SOCS7: variants seen among roughly 807,000 people sequenced by gnomAD.
The protein encoded by SOCS7 is suppressor of cytokine signaling 7, also known as NAP-4.
A neutral mutation model predicts 58.9 loss-of-function variants in SOCS7; 18 were observed. That is an observed-to-expected ratio of 0.31 (90% CI 0.21 to 0.45). The LOEUF is 0.45. Among genes scored for constraint, SOCS7 ranks in the 20% least tolerant of loss-of-function variants. The probability of loss-of-function intolerance (pLI) is 1.00; values close to 1 mark genes in which losing one functional copy is unlikely to be tolerated. For synonymous variants in SOCS7, 388 were observed against 364.3 expected (o/e 1.06, Z -0.74); for missense variants, 667 against 837.3 (o/e 0.80, Z 2.51).
intron 7 of SOCS7, among the ~76,000 whole-genome samples, chr17:38,384,595 CT>C (rs1329178035): frequency 1.4e-5 from 2 of 148,108 alleles, no homozygotes; most frequent in South Asian, 2.2e-4. Flanking sequence ...TGCCCAGCTT[CT>C]TTTTTTTTTC....
At chr17:38,361,937 A>G (rs1286916521) in intron 2 of SOCS7, among the ~76,000 whole-genome samples, 162 bp downstream of exon 2, 1 of 152,184 alleles carries the variant, frequency 6.6e-6, no homozygotes, top group Non-Finnish European at 1.5e-5. Context: ...TTTTTATGGT[A>G]TGGAATGTGT....
At chr17:38,377,650 A>G in intron 6 of SOCS7, 64 bp from the exon 7 acceptor site, 1 of 1,500,320 alleles carries the variant, frequency 6.7e-7, no homozygotes, top group Non-Finnish European at 9.0e-7. Context: ...AAAATATTCA[A>G]ACCAGCCTCT....
At chr17:38,363,120 A>G (rs1372795000) in intron 2 of SOCS7, among the ~76,000 whole-genome samples, 1 of 152,094 alleles carries the variant, frequency 6.6e-6, no homozygotes, top group African/African-American at 2.4e-5. Flanking sequence ...AAAAAAAAAA[A>G]AGGAACACCA....
At chr17:38,396,538 C>T (rs1352171895) in intron 9 of SOCS7, among the ~76,000 whole-genome samples, 1 of 152,232 alleles carries the variant, frequency 6.6e-6, no homozygotes, top group African/African-American at 2.4e-5. Flanking sequence ...TTCTATTTAG[C>T]GTTCCATTTG....
chr17:38,366,233 T>C, intron 4 of SOCS7, 54 bp from the exon 5 acceptor site: 1 of 1,596,916 alleles, frequency 6.3e-7, no homozygotes, highest in Non-Finnish European at 8.5e-7. Flanking sequence ...AGGGTCTATT[T>C]GTGGTTGGGA....
chr17:38,385,051 C>G (rs988844057), intron 7 of SOCS7, among the ~76,000 whole-genome samples: 3 of 151,646 alleles, frequency 2.0e-5, no homozygotes, highest in Non-Finnish European at 4.4e-5. Flanking sequence ...CATCCGCCAC[C>G]ACGCCCAGCT....
At chr17:38,360,865 G>A (rs766913815) in intron 1 of SOCS7, among the ~76,000 whole-genome samples, 2 of 152,208 alleles carry the variant, frequency 1.3e-5, no homozygotes, top group African/African-American at 4.8e-5. Flanking sequence ...CTATTACCTC[G>A]ACAAGTTCAG....
chr17:38,366,065 G>T, intron 4 of SOCS7: 1 of 1,279,386 alleles, frequency 7.8e-7, no homozygotes. Context: ...CCCTTTCTTG[G>T]GGTCAAGTGC....
At chr17:38,389,597 T>C (rs567516225) in intron 7 of SOCS7, among the ~76,000 whole-genome samples, 1 of 151,876 alleles carries the variant, frequency 6.6e-6, no homozygotes, top group African/African-American at 2.4e-5. Flanking sequence ...AGATATAAAT[T>C]ACAAATATTT....
intron 6 of SOCS7, among the ~76,000 whole-genome samples, chr17:38,376,860 C>T (rs760890055): frequency 2.0e-5 from 3 of 152,164 alleles, no homozygotes; most frequent in Admixed American, 6.6e-5. Flanking sequence ...ATATGACAGT[C>T]GTCCCATAAG....
At chr17:38,381,480 C>T (rs1320127357) in intron 7 of SOCS7, among the ~76,000 whole-genome samples, 1 of 152,102 alleles carries the variant, frequency 6.6e-6, no homozygotes, top group African/African-American at 2.4e-5. Flanking sequence ...CAACTGAACA[C>T]CTACAAGGAG....
intron 9 of SOCS7, among the ~76,000 whole-genome samples, chr17:38,398,241 CT>C (rs990311481): frequency 0.014 from 1,828 of 129,314 alleles, 10 homozygotes; most frequent in Non-Finnish European, 0.018. Flanking sequence ...AGGGAAAGGT[CT>C]TTTTTTTTTT....
chr17:38,387,772 CTT>C (rs199830504), intron 7 of SOCS7, among the ~76,000 whole-genome samples: 31 of 116,120 alleles, frequency 2.7e-4, no homozygotes, highest in South Asian at 1.0e-3. Context: ...TAATGGCTTT[CTT>C]TTTTTTTTTT....
intron 4 of SOCS7, 119 bp downstream of exon 4, chr17:38,365,528 C>T (rs587607111): frequency 3.2e-6 from 2 of 629,120 alleles, no homozygotes; most frequent in African/African-American, 1.9e-5. Context: ...AAGTTTAAAT[C>T]TTTTCCCCTT....
Position 38,395,884 on chromosome 17 carries a change from T to C in SOCS7, c.1854T>C (p.Tyr618=), listed in dbSNP as rs2038238608. Residue 618 remains tyrosine, a synonymous_variant, in exon 9 of 10, where the codon TAT becomes TAC. Transcript: ENST00000612932. ...CTTATATCCGAAAGTTCTACTACTA[T>C]GATCCTCAGGAAGAGGTATACCTGT... ...LISYIRKFYY[Y]DPQEEVYLSL... 4 of 1,612,514 alleles carry C rather than the reference T, an allele frequency of 2.5e-6. No homozygotes were observed. The highest frequency in any genetic ancestry group is 3.4e-6 in the Non-Finnish European group (4 of 1,179,574).
Position 38,405,265 on chromosome 17 carries a change from A to C in SOCS7, c.*5783A>C, listed in dbSNP as rs2038376651. The C allele has an allele frequency of 6.6e-6, 1 of 152,100 alleles. No homozygotes were observed. Among genetic ancestry groups the C allele is most frequent in the Admixed American group, 6.5e-5 (1 of 15,278 alleles). The allele number at this position is 152,100 out of a possible 1,614,324, so 9.4% of individuals were successfully genotyped here. Reference sequence around the variant, plus strand: ...TGGGGAAAGGGAAAGAGGTTTTGATATAAACAAAACAAATGCACTTTGGGT... The same window carrying C: ...TGGGGAAAGGGAAAGAGGTTTTGATCTAAACAAAACAAATGCACTTTGGGT... On this transcript the variant is annotated 3_prime_UTR_variant, in exon 10 of 10. Transcript: ENST00000612932.
intron 7 of SOCS7, among the ~76,000 whole-genome samples, chr17:38,393,791 TCGGGAGG>T (rs527909612): frequency 4.0e-5 from 6 of 151,460 alleles, no homozygotes; most frequent in Non-Finnish European, 8.8e-5. Flanking sequence ...TCCCAGCTAC[TCGGGAGG>T]CTGAGGCAGG....
At chr17:38,383,079 A>T (rs905844079) in intron 7 of SOCS7, among the ~76,000 whole-genome samples, 3 of 152,100 alleles carry the variant, frequency 2.0e-5, no homozygotes, top group Non-Finnish European at 2.9e-5. Context: ...GTTGGGAAAC[A>T]TTGTTATATA....
At chr17:38,376,148 G>A (rs1448687074) in intron 6 of SOCS7, among the ~76,000 whole-genome samples, 1 of 152,180 alleles carries the variant, frequency 6.6e-6, no homozygotes, top group African/African-American at 2.4e-5. Flanking sequence ...ATGAAAATAA[G>A]TTAGGTAATC....
Sources: allele counts gnomAD v4.1 joint callset (sites outside exome capture counted in the v4.1 genomes callset), GRCh38; gene constraint gnomAD v4.1.1; transcripts MANE v1.5; gene names NCBI Gene and HGNC (gene_info 2026-07-23, HGNC 2026-07-21).